GMDS: variants seen among roughly 807,000 people sequenced by gnomAD.
The protein encoded by GMDS is GDP-mannose 4,6-dehydratase.
Under a neutral mutation model 49.9 loss-of-function variants are expected in GMDS, and 20 were observed. That is an observed-to-expected ratio of 0.40 (90% confidence interval 0.28 to 0.58). The LOEUF (loss-of-function observed/expected upper bound fraction) is 0.58. Ranked by LOEUF, GMDS falls within the 20% of genes least tolerant of loss-of-function variation. The probability of loss-of-function intolerance (pLI) is 0.42; values close to 1 mark genes in which losing one functional copy is unlikely to be tolerated. For missense variants in GMDS, 362 were observed against 481.4 expected (o/e 0.75, Z 2.32); for synonymous variants, 177 against 178.6 (o/e 0.99, Z 0.07).
intron 4 of GMDS, among the ~76,000 whole-genome samples, chr6:2,077,047 T>C (rs1167903274): frequency 6.6e-6 from 1 of 152,172 alleles, no homozygotes; most frequent in African/African-American, 2.4e-5. Flanking sequence ...GTTTTTTTAA[T>C]AGCTAGTGTA....
At chr6:1,962,612 T>G (rs1000388792) in intron 4 of GMDS, among the ~76,000 whole-genome samples, 4 of 152,172 alleles carry the variant, frequency 2.6e-5, no homozygotes, top group African/African-American at 9.7e-5. Flanking sequence ...TATCTTGTTG[T>G]GGTTTTTCTT....
intron 9 of GMDS, among the ~76,000 whole-genome samples, chr6:1,633,516 G>A (rs1382159461): frequency 6.6e-6 from 1 of 152,142 alleles, no homozygotes; most frequent in African/African-American, 2.4e-5. Flanking sequence ...GCGAGGGAGC[G>A]ACTGCAGAGG....
chr6:1,721,004 C>T (rs901345292), intron 9 of GMDS, among the ~76,000 whole-genome samples: 1 of 152,076 alleles, frequency 6.6e-6, no homozygotes, highest in Non-Finnish European at 1.5e-5. Flanking sequence ...CACCCCCAAA[C>T]GCAGAGACAG....
At chr6:2,245,016 C>A (rs919892439) in intron 1 of GMDS, among the ~76,000 whole-genome samples, 1 of 152,218 alleles carries the variant, frequency 6.6e-6, no homozygotes, top group African/African-American at 2.4e-5. Context: ...GAGGAAGAGA[C>A]GCTGCGGTCA....
intron 4 of GMDS, among the ~76,000 whole-genome samples, chr6:2,027,636 T>C (rs1329051855): frequency 6.6e-6 from 1 of 152,098 alleles, no homozygotes; most frequent in African/African-American, 2.4e-5. Context: ...GCAAGGAAGA[T>C]TCTTCCAGAA....
At chr6:1,969,261 CAAAAAAAAAAAAAAAA>C (rs761741871) in intron 4 of GMDS, among the ~76,000 whole-genome samples, 5 of 14,098 alleles carry the variant, frequency 3.5e-4, no homozygotes, top group Non-Finnish European at 7.6e-4. Flanking sequence ...GGCTCCATCT[CAAAAAAAAAAAAAAAA>C]AAAAAAAAAA....
At chr6:1,825,196 T>C (rs1215533182) in intron 7 of GMDS, among the ~76,000 whole-genome samples, 2 of 152,216 alleles carry the variant, frequency 1.3e-5, no homozygotes, top group Non-Finnish European at 2.9e-5. Context: ...AAGCAACGCA[T>C]TGGCTGAGAA....
chr6:2,209,425 A>AG (rs1437673623), intron 1 of GMDS, among the ~76,000 whole-genome samples: 2 of 152,236 alleles, frequency 1.3e-5, no homozygotes, highest in Non-Finnish European at 2.9e-5. Flanking sequence ...TTCCCCCTGC[A>AG]GGGGGAGTAG....
chr6:1,933,128 AT>A (rs1227114012), intron 6 of GMDS, among the ~76,000 whole-genome samples: 1 of 152,224 alleles, frequency 6.6e-6, no homozygotes, highest in Non-Finnish European at 1.5e-5. Flanking sequence ...ATGGAATTAT[AT>A]TAATGTCTGG....
intron 4 of GMDS, among the ~76,000 whole-genome samples, chr6:1,978,184 G>T (rs1349711049): frequency 6.6e-6 from 1 of 152,112 alleles, no homozygotes; most frequent in South Asian, 2.1e-4. Flanking sequence ...AACGAGGAAG[G>T]GTCCCCCCAG....
intron 6 of GMDS, among the ~76,000 whole-genome samples, chr6:1,933,173 A>G (rs960982494): frequency 1.3e-5 from 2 of 152,184 alleles, no homozygotes; most frequent in African/African-American, 4.8e-5. Flanking sequence ...TTAGCATAAC[A>G]TTTTCAAGGT....
At chr6:2,178,474 G>A (rs756048808) in intron 1 of GMDS, among the ~76,000 whole-genome samples, 26 of 146,770 alleles carry the variant, frequency 1.8e-4, no homozygotes, top group African/African-American at 4.1e-4. Context: ...GAACACCACC[G>A]GTAGGTGGTG....
At chr6:2,165,032 G>T (rs1581736163) in intron 1 of GMDS, among the ~76,000 whole-genome samples, 1 of 152,284 alleles carries the variant, frequency 6.6e-6, no homozygotes, top group African/African-American at 2.4e-5. Flanking sequence ...GCCAGATCAT[G>T]CCATGGCCTA....
At chr6:1,752,321 A>C (rs144200199) in intron 7 of GMDS, among the ~76,000 whole-genome samples, 198 of 152,366 alleles carry the variant, frequency 1.3e-3, no homozygotes, top group Non-Finnish European at 2.5e-3. Context: ...TAAAGCATGA[A>C]GACAAGATTA....
intron 7 of GMDS, among the ~76,000 whole-genome samples, chr6:1,816,182 C>G (rs1328673219): frequency 2.0e-5 from 3 of 152,186 alleles, no homozygotes; most frequent in African/African-American, 7.2e-5. Context: ...ATTCATTCGC[C>G]TATCTATTCA....
Position 1,960,972 on chromosome 6 carries a change from A to T in GMDS, c.346-6T>A, listed in dbSNP as rs757008388. On this transcript the variant is annotated splice_region_variant and splice_polypyrimidine_tract_variant and intron_variant, in intron 4 of 10. Transcript: ENST00000380815. ...TCAGCGAGGTCAAAGGAAATCTGGA[A>T]AAAGCAGGCGGAGACAGGGCTGCAT... 7 of 1,517,950 alleles carry T rather than the reference A, an allele frequency of 4.6e-6. No individual in the cohort carries two copies. The East Asian group carries it at 1.6e-4, about 35-fold the overall frequency. The allele number at this position is 1,517,950 out of a possible 1,614,324, so 94.0% of individuals were successfully genotyped here.
intron 9 of GMDS, among the ~76,000 whole-genome samples, chr6:1,668,794 A>C (rs1260175394): frequency 1.3e-5 from 2 of 152,238 alleles, no homozygotes; most frequent in African/African-American, 2.4e-5. Flanking sequence ...AAGGGGAAGA[A>C]AACAATGCTA....
chr6:2,065,247 G>C (rs938246179), intron 4 of GMDS, among the ~76,000 whole-genome samples: 3 of 146,410 alleles, frequency 2.0e-5, no homozygotes, highest in Middle Eastern at 3.3e-3. Flanking sequence ...AAACTGAAAG[G>C]ACATCCACAC....
At chr6:1,746,715 T>G (rs1039887742) in intron 7 of GMDS, among the ~76,000 whole-genome samples, 2 of 152,042 alleles carry the variant, frequency 1.3e-5, no homozygotes, top group Non-Finnish European at 2.9e-5. Flanking sequence ...ATTTATTTAT[T>G]TTTTGAGACA....
Sources: gnomAD v4.1 joint callset for allele counts (sites outside exome capture counted in the v4.1 genomes callset) on GRCh38, gnomAD v4.1.1 for gene constraint, MANE v1.5 for transcripts, NCBI Gene and HGNC (gene_info 2026-07-23, HGNC 2026-07-21) for gene names.